The following MSI2 variants were observed in gnomAD, a reference collection of about 807,000 sequenced individuals.
The protein encoded by MSI2 is musashi RNA binding protein 2.
A neutral mutation model predicts 45.6 loss-of-function variants in MSI2; 17 were observed. The ratio of observed to expected loss-of-function variants is 0.37; its 90% CI spans 0.26 to 0.56. The LOEUF (loss-of-function observed/expected upper bound fraction) is 0.56. Among genes scored for constraint, MSI2 ranks in the 20% least tolerant of loss-of-function variants. MSI2 has a pLI of 0.77. For synonymous variants in MSI2, 156 were observed against 158.2 expected (o/e 0.99, Z 0.11); for missense variants, 293 against 444.2 (o/e 0.66, Z 3.06).
At chr17:57,425,291 TTTTAACAGCA>T (rs1052466476) in intron 6 of MSI2, among the ~76,000 whole-genome samples, 14 of 99,162 alleles carry the variant, frequency 1.4e-4, no homozygotes, top group Non-Finnish European at 4.1e-5. Context: ...GGAAGTTTAT[TTTTAACAGCA>T]TTATGATTTT....
In MSI2 at chr17:57,566,488, C is replaced by T. The variant is rs139132726; in HGVS notation, c.455-30380C>T. On this transcript the variant is annotated intron_variant, in intron 7 of 13. Coordinates refer to ENST00000284073, the MANE Select transcript of MSI2 (RefSeq NM_138962.4). Reference sequence around the variant, plus strand: ...AAGGAAGCCCTGGCCCCCTGGGTCACATGTTGGTGTTCTCAGGCATTGGGG... The same window carrying T: ...AAGGAAGCCCTGGCCCCCTGGGTCATATGTTGGTGTTCTCAGGCATTGGGG... 5.9e-3 allele frequency among the ~76,000 whole-genome samples: 896 copies of T among 152,274 alleles called. 9 individuals carry two copies. Among genetic ancestry groups the T allele is most frequent in the Non-Finnish European group, 8.3e-3 (562 of 68,018 alleles).
intron 5 of MSI2, among the ~76,000 whole-genome samples, chr17:57,387,774 T>C (rs1161389930): frequency 6.6e-6 from 1 of 152,144 alleles, no homozygotes; most frequent in Non-Finnish European, 1.5e-5. Flanking sequence ...CAGGGAAGGT[T>C]TGATCCCCAT....
rs1278336604 is a variant in MSI2, at chr17:57,280,437, C to T, written c.312+18245C>T. The stretch of plus-strand genomic sequence containing the variant: ...AGTTCTTGGAGGTAGTGATGGAGAC[C>T]AGTGGATGGATTTGAGATGCATCTG... On this transcript the variant is annotated intron_variant, in intron 5 of 13. Transcript: ENST00000284073. This position sits in a 1 kb window ranked among gnomAD's most constrained non-coding sequence, Gnocchi z 4.2. 3.9e-5 allele frequency among the ~76,000 whole-genome samples: 6 copies of T among 152,088 alleles called. No homozygotes were observed. The highest frequency in any genetic ancestry group is 1.5e-5 in the Non-Finnish European group (1 of 68,034).
At chr17:57,614,498 C>A (rs1385243751) in intron 8 of MSI2, among the ~76,000 whole-genome samples, 1 of 152,218 alleles carries the variant, frequency 6.6e-6, no homozygotes, top group African/African-American at 2.4e-5. Flanking sequence ...GTTCCTATAC[C>A]ATATGGCCCA....
intron 10 of MSI2, among the ~76,000 whole-genome samples, chr17:57,648,468 A>G (rs1239114769): frequency 1.3e-5 from 2 of 152,300 alleles, no homozygotes; most frequent in East Asian, 3.9e-4. Context: ...CGGCTGAGCC[A>G]GGCATCGAAC....
intron 6 of MSI2, among the ~76,000 whole-genome samples, chr17:57,462,185 C>T (rs1184386398): frequency 6.6e-6 from 1 of 152,222 alleles, no homozygotes; most frequent in Non-Finnish European, 1.5e-5. Context: ...GTAACCCTCT[C>T]CCTGTGCTCA....
chr17:57,630,782 T>C (rs1028393083), intron 10 of MSI2: 1 of 152,266 alleles, frequency 6.6e-6, no homozygotes, highest in Non-Finnish European at 1.5e-5. Flanking sequence ...CCAAACTTGA[T>C]GACTCCTGGA....
At chr17:57,397,733 G>A (rs1032325005) in intron 5 of MSI2, among the ~76,000 whole-genome samples, 8 of 152,344 alleles carry the variant, frequency 5.3e-5, no homozygotes, top group Middle Eastern at 3.4e-3. Flanking sequence ...TGCCCCTGGC[G>A]GGAGAGGTCA....
At chr17:57,400,198 C>A (rs890837210) in intron 5 of MSI2, among the ~76,000 whole-genome samples, 1 of 151,024 alleles carries the variant, frequency 6.6e-6, no homozygotes, top group Non-Finnish European at 1.5e-5. Context: ...GATTTTGGCT[C>A]CTACGTGTAA....
At chr17:57,307,819 C>T (rs1442934101) in intron 5 of MSI2, among the ~76,000 whole-genome samples, 1 of 152,238 alleles carries the variant, frequency 6.6e-6, no homozygotes. Flanking sequence ...CTCTTTCTCT[C>T]TCTCTCCTGT....
chr17:57,696,621 G>C, the MSI2 span, among the ~76,000 whole-genome samples: 2 of 152,094 alleles, frequency 1.3e-5, no homozygotes, highest in Non-Finnish European at 2.9e-5. Context: ...TGTAATTCCA[G>C]CTGCTTGGGA....
intron 6 of MSI2, among the ~76,000 whole-genome samples, chr17:57,486,454 T>C (rs999251763): frequency 6.6e-6 from 1 of 152,220 alleles, no homozygotes; most frequent in African/African-American, 2.4e-5. Flanking sequence ...GAAAATAGTT[T>C]GGGTCATTGG....
At chr17:57,573,255 C>T (rs145915867) in intron 7 of MSI2, among the ~76,000 whole-genome samples, 2 of 152,214 alleles carry the variant, frequency 1.3e-5, no homozygotes, top group African/African-American at 4.8e-5. Context: ...GCAATAATAG[C>T]GTTATAATAA....
Position 57,600,280 on chromosome 17 carries a change from C to A in MSI2, c.537+3330C>A, listed in dbSNP as rs116550674. ...ACCCATCTCCTCAAACCCTCGCAAT[C>A]TTTCTGGGTATTTGGCAGGAAGTGG... On this transcript the variant is annotated intron_variant, in intron 8 of 13. Coordinates refer to ENST00000284073, the MANE Select transcript of MSI2 (RefSeq NM_138962.4). 7.2e-3 allele frequency among the ~76,000 whole-genome samples: 1,097 copies of A among 152,330 alleles called. 13 individuals carry two copies. Among genetic ancestry groups the A allele is most frequent in the African/African-American group, 0.025 (1,023 of 41,562 alleles).
chr17:57,590,374 CATTTT>C (rs1296250068), intron 7 of MSI2, among the ~76,000 whole-genome samples: 2 of 152,138 alleles, frequency 1.3e-5, no homozygotes, highest in African/African-American at 4.8e-5. Context: ...TGGAGCAGGT[CATTTT>C]AATTTTGAGG....
In MSI2 at chr17:57,663,875, G is replaced by C. The variant is rs116428063; in HGVS notation, c.791-11097G>C. ...TGCTGGAGGTTTACACTGTGTTCAGGGTTGTCCCCGTGGCTCCCCATGCCC... is the reference window on the plus strand; with the variant it reads ...TGCTGGAGGTTTACACTGTGTTCAGCGTTGTCCCCGTGGCTCCCCATGCCC... On this transcript the variant is annotated intron_variant, in intron 11 of 13. Coordinates refer to ENST00000284073, the MANE Select transcript of MSI2 (RefSeq NM_138962.4). 2.5e-3 allele frequency among the ~76,000 whole-genome samples: 376 copies of C among 152,276 alleles called. 3 individuals carry two copies. The highest frequency in any genetic ancestry group is 8.2e-3 in the African/African-American group (342 of 41,540).
intron 11 of MSI2, among the ~76,000 whole-genome samples, chr17:57,666,379 CCT>C (rs1271447201): frequency 6.6e-6 from 1 of 152,338 alleles, no homozygotes; most frequent in East Asian, 1.9e-4. Context: ...GTGTGAAACA[CCT>C]ACCAACATGC....
chr17:57,299,266 G>A (rs187407362), intron 5 of MSI2, among the ~76,000 whole-genome samples: 56 of 152,338 alleles, frequency 3.7e-4, no homozygotes, highest in African/African-American at 1.3e-3. Flanking sequence ...TATCGTTCAT[G>A]TGTTCACTGG....
intron 7 of MSI2, among the ~76,000 whole-genome samples, chr17:57,545,740 G>A (rs984751100): frequency 6.6e-6 from 1 of 152,272 alleles, no homozygotes; most frequent in Non-Finnish European, 1.5e-5. Flanking sequence ...GTACTGACTG[G>A]TGCTTTTATT....
Sources: gnomAD v4.1 joint callset for allele counts (sites outside exome capture counted in the v4.1 genomes callset) on GRCh38, gnomAD v4.1.1 for gene constraint, Gnocchi (gnomAD v3.1) non-coding constraint, MANE v1.5 for transcripts, NCBI Gene and HGNC (gene_info 2026-07-23, HGNC 2026-07-21) for gene names.